Variants in FAM20A observed in about 807,000 individuals in gnomAD.
The protein encoded by FAM20A is FAM20A golgi associated secretory pathway pseudokinase.
Under a neutral mutation model 52.0 loss-of-function variants are expected in FAM20A, and 42 were observed. The ratio of observed to expected loss-of-function variants is 0.81; its 90% confidence interval spans 0.63 to 1.04. The LOEUF (loss-of-function observed/expected upper bound fraction) is 1.04. Ranked by LOEUF, FAM20A falls within the 50% of genes least tolerant of loss-of-function variation. The pLI, the probability that FAM20A is intolerant of heterozygous loss-of-function variation, is 0.00. For synonymous variants in FAM20A, 304 were observed against 298.9 expected, an observed-to-expected ratio of 1.02 and a Z score of -0.18; for missense variants, 742 against 712.7, an observed-to-expected ratio of 1.04 and a Z score of -0.47.
chr17:68,560,805 T>C (rs1305129815), intron 1 of FAM20A, among the ~76,000 whole-genome samples: 1 of 152,208 alleles, frequency 6.6e-6, no homozygotes, highest in East Asian at 1.9e-4. Context: ...CCCTCAGCAT[T>C]GTATGAGACT....
At chr17:68,550,897 T>C (rs542852176) in intron 4 of FAM20A, among the ~76,000 whole-genome samples, 3 of 152,230 alleles carry the variant, frequency 2.0e-5, no homozygotes, top group African/African-American at 7.2e-5. Context: ...AAACTCTTTA[T>C]TCGGTGCTTA....
Position 68,540,930 on chromosome 17 carries a change from T to C in FAM20A, c.1138A>G (p.Thr380Ala). 1 of 1,598,616 alleles carries C rather than the reference T, an allele frequency of 6.3e-7. No individual in the cohort carries two copies. Residue 380 changes from threonine to alanine, a missense_variant, in exon 8 of 11, where the codon ACA becomes GCA. By Grantham distance (58) the Thr-to-Ala change is moderately conservative (BLOSUM62 0). Coordinates refer to ENST00000592554, the MANE Select transcript of FAM20A (RefSeq NM_017565.4). The part of the protein sequence containing the change: ...EWEVNPLYCD[T>A]VKQIYPYNNS... ...TTGTACGGGTAGATCTGTTTCACTGTGTCACAGTAAAGGGGATTGACCTCC... is the reference window on the plus strand; with the variant it reads ...TTGTACGGGTAGATCTGTTTCACTGCGTCACAGTAAAGGGGATTGACCTCC...
At chr17:68,599,354 T>A (rs76984538) in intron 1 of FAM20A, among the ~76,000 whole-genome samples, 5,566 of 152,298 alleles carry the variant, frequency 0.037, 174 homozygotes, top group South Asian at 0.15. Context: ...ACAGAGTCCT[T>A]AACTCATACG....
Position 68,600,635 on chromosome 17 carries a change from G to A in FAM20A, c.32C>T (p.Thr11Ile), listed in dbSNP as rs1189268342. 2.6e-6 allele frequency: 4 copies of A among 1,558,058 alleles called. No individual in the cohort carries two copies. The highest frequency in any genetic ancestry group is 1.9e-5 in the Admixed American group (1 of 52,808). The change falls in exon 1 of 11, where the codon ACT becomes ATT. Residue 11 changes from threonine (T) to isoleucine (I), a missense_variant. By Grantham distance (89) the Thr-to-Ile change is moderately conservative. Transcript: ENST00000592554. This position sits in a 1 kb window ranked among gnomAD's most constrained non-coding sequence, Gnocchi z 6.2. MPGLRRDRLL[T>I]LLLLGALLSA... is the part of the protein sequence containing the mutation. ...GAGCAGCGCGCCCAGCAGCAGCAGA[G>A]TCAGTAGGCGGTCCCGGCGCAGCCC...
Position 68,600,593 on chromosome 17 carries a change from A to C in FAM20A, c.74T>G (p.Phe25Cys). The C allele has an allele frequency of 6.4e-7, 1 of 1,563,488 alleles. No homozygotes were observed. The highest frequency in any genetic ancestry group is 8.6e-7 in the Non-Finnish European group (1 of 1,156,280). The part of the protein sequence containing the change: ...LGALLSADLY[F>C]HLWPQVQRQL... ...GCGCTGTACTTGGGGCCAGAGGTGG[A>C]AGTAGAGGTCGGCGGAGAGCAGCGC... The change falls in exon 1 of 11, where the codon TTC becomes TGC. Residue 25 changes from phenylalanine to cysteine, a missense_variant. Phe to Cys is a radical substitution (Grantham distance 205). Coordinates refer to ENST00000592554, the MANE Select transcript of FAM20A (RefSeq NM_017565.4). This position sits in a 1 kb window ranked among gnomAD's most constrained non-coding sequence, Gnocchi z 6.2.
In FAM20A at chr17:68,600,468, T is replaced by A. The variant is rs1189701463; in HGVS notation, c.199A>T (p.Ile67Phe). 1.2e-6 allele frequency: 2 copies of A among 1,608,166 alleles called. No homozygotes were observed. Among genetic ancestry groups the A allele is most frequent in the Non-Finnish European group, 1.7e-6 (2 of 1,177,682 alleles). Residue 67 changes from isoleucine (I) to phenylalanine (F), a missense_variant, in exon 1 of 11, where the codon ATC (isoleucine) becomes TTC (phenylalanine). Coordinates refer to ENST00000592554, the MANE Select transcript of FAM20A (RefSeq NM_017565.4). This position sits in a 1 kb window ranked among gnomAD's most constrained non-coding sequence, Gnocchi z 6.2. ...TCGGTTCGGGAAAAGTTGTGCACGA[T>A]CGTGCCGGGGTCCGAGGCAGCTGCG... The part of the protein sequence containing the change: ...SAAAASDPGT[I>F]VHNFSRTEPR...
At position 68,598,959 on chromosome 17, in the gene FAM20A, C is replaced by A. The variant is rs535631980; in HGVS notation, c.404+1304G>T. On this transcript the variant is annotated intron_variant, in intron 1 of 10. Coordinates refer to ENST00000592554, the MANE Select transcript of FAM20A (RefSeq NM_017565.4). ...ATTGAAAATGACAGTGTCTGAGAAG[C>A]AATCTCAAACTGCCTTTTATTACTG... Among the ~76,000 whole-genome samples, 5 of 152,270 alleles carry A rather than the reference C, an allele frequency of 3.3e-5. No individual in the cohort carries two copies. The South Asian group carries it at 8.3e-4, about 25-fold the overall frequency.
chr17:68,565,480 G>A (rs1038085976), intron 1 of FAM20A, among the ~76,000 whole-genome samples: 7 of 133,868 alleles, frequency 5.2e-5, no homozygotes, highest in Non-Finnish European at 7.7e-5. Context: ...TGCAACCTCC[G>A]CTTCCTGGGT....
At chr17:68,553,951 T>C (rs928724446) in intron 3 of FAM20A, among the ~76,000 whole-genome samples, 1 of 106,894 alleles carries the variant, frequency 9.4e-6, no homozygotes, top group East Asian at 2.2e-4. Flanking sequence ...TATACACACA[T>C]ATATGCATAT....
chr17:68,561,973 G>T (rs2087227623), intron 1 of FAM20A, among the ~76,000 whole-genome samples: 1 of 152,082 alleles, frequency 6.6e-6, no homozygotes, highest in African/African-American at 2.4e-5. Context: ...ACAGGCGCAT[G>T]CCACCACACC....
intron 4 of FAM20A, among the ~76,000 whole-genome samples, chr17:68,546,913 C>T (rs1304871838): frequency 6.6e-6 from 1 of 151,536 alleles, no homozygotes; most frequent in African/African-American, 2.4e-5. Context: ...GTTGTGTTAG[C>T]AGGCATGAAA....
chr17:68,541,004 G>C, intron 7 of FAM20A, 46 bp from the exon 8 acceptor site: 2 of 1,550,614 alleles, frequency 1.3e-6, no homozygotes, highest in Non-Finnish European at 1.7e-6. Flanking sequence ...CAAGATGGCA[G>C]GGTGTCGGGG....
At chr17:68,578,219 T>C (rs1331926983) in intron 1 of FAM20A, among the ~76,000 whole-genome samples, 1 of 152,200 alleles carries the variant, frequency 6.6e-6, no homozygotes, top group Middle Eastern at 3.2e-3. Context: ...TTTTCAAAAG[T>C]GTCTGAATTC....
chr17:68,567,737 G>A (rs774067720), intron 1 of FAM20A, among the ~76,000 whole-genome samples: 54 of 152,092 alleles, frequency 3.6e-4, no homozygotes, highest in Non-Finnish European at 5.1e-4. Flanking sequence ...ATCTCATCTC[G>A]AATTGTAATC....
intron 3 of FAM20A, among the ~76,000 whole-genome samples, chr17:68,553,144 C>T (rs974820280): frequency 1.3e-5 from 2 of 152,112 alleles, no homozygotes; most frequent in Non-Finnish European, 2.9e-5. Context: ...CTGTGCCGTT[C>T]TTGTGATAGT....
chr17:68,589,905 A>G (rs1393069615), intron 1 of FAM20A, among the ~76,000 whole-genome samples: 1 of 152,216 alleles, frequency 6.6e-6, no homozygotes, highest in Non-Finnish European at 1.5e-5. Flanking sequence ...CAATTTCTAT[A>G]TATTATTTTG....
rs1438262519 is a variant in FAM20A at position 68,600,724 on chromosome 17, G to A, written c.-58C>T. On this transcript the variant is annotated 5_prime_UTR_variant, in exon 1 of 11. Coordinates refer to ENST00000592554, the MANE Select transcript of FAM20A (RefSeq NM_017565.4). This position sits in a 1 kb window ranked among gnomAD's most constrained non-coding sequence, Gnocchi z 6.2. ...GCCGGCTGTCTCCGGGGTCCCGGGA[G>A]GGGTCGCGGGGTGCGGGCAGAAGAG... 2 of 1,506,374 alleles carry A rather than the reference G, an allele frequency of 1.3e-6. No individual in the cohort carries two copies. The highest frequency in any genetic ancestry group is 5.0e-5 in the East Asian group (2 of 39,852). 93.3% of individuals were successfully genotyped at this position (1,506,374 alleles called of 1,614,324 possible).
At chr17:68,572,531 C>G (rs1183392524) in intron 1 of FAM20A, among the ~76,000 whole-genome samples, 1 of 152,072 alleles carries the variant, frequency 6.6e-6, no homozygotes, top group African/African-American at 2.4e-5. Flanking sequence ...TTGGAAATGG[C>G]TTTTTGGTGT....
chr17:68,556,971 G>C (rs2087070697), intron 1 of FAM20A, among the ~76,000 whole-genome samples: 1 of 152,012 alleles, frequency 6.6e-6, no homozygotes, highest in Non-Finnish European at 1.5e-5. Context: ...GGGAGGCTGA[G>C]GCAGATCACC....
Sources: allele counts gnomAD v4.1 joint callset (sites outside exome capture counted in the v4.1 genomes callset), GRCh38; gene constraint gnomAD v4.1.1; non-coding constraint Gnocchi (gnomAD v3.1); transcripts MANE v1.5; gene names NCBI Gene and HGNC (gene_info 2026-07-23, HGNC 2026-07-21).